Variants in TMPRSS15 observed in about 807,000 individuals in gnomAD.
The protein encoded by TMPRSS15 is transmembrane serine protease 15.
In TMPRSS15, 128 loss-of-function variants were observed where a neutral mutation model predicts 125.3. The observed-to-expected ratio is 1.02, with a 90% CI of 0.89 to 1.18. The LOEUF (loss-of-function observed/expected upper bound fraction) is 1.18. Among genes scored for constraint, TMPRSS15 ranks in the 50% most tolerant of loss-of-function variants. The pLI, the probability that TMPRSS15 is intolerant of heterozygous loss-of-function variation, is 0.00. For synonymous variants in TMPRSS15, 446 were observed against 423.2 expected (o/e 1.05, Z -0.66); for missense variants, 1,283 against 1,212.7 (o/e 1.06, Z -0.86).
chr21:18,271,816 A>AGAACAT (rs964377705), intron 24 of TMPRSS15, among the ~76,000 whole-genome samples: 4 of 151,656 alleles, frequency 2.6e-5, no homozygotes, highest in Admixed American at 6.6e-5. Flanking sequence ...CTCATGAGTG[A>AGAACAT]GAACATGCAG....
At chr21:18,425,470 C>T (rs1279842626) in intron 1 of TMPRSS15, among the ~76,000 whole-genome samples, 2 of 152,056 alleles carry the variant, frequency 1.3e-5, no homozygotes, top group Admixed American at 1.3e-4. Context: ...CATTGTAACT[C>T]TTCATTGAGC....
intron 8 of TMPRSS15, among the ~76,000 whole-genome samples, chr21:18,355,432 A>G (rs1350296432): frequency 1.3e-5 from 2 of 151,888 alleles, no homozygotes; most frequent in East Asian, 3.9e-4. Context: ...TCAGAGATAC[A>G]TGAAAATCTC....
chr21:18,297,778 G>T lies in TMPRSS15; in HGVS notation c.2217C>A (p.Val739=). The T allele has an allele frequency of 6.2e-7, 1 of 1,613,768 alleles. No individual in the cohort carries two copies. The highest frequency in any genetic ancestry group is 1.1e-5 in the South Asian group (1 of 91,048). Residue 739 remains valine, a synonymous_variant, in exon 19 of 25, where the codon GTC becomes GTA. Coordinates refer to ENST00000284885, the MANE Select transcript of TMPRSS15 (RefSeq NM_002772.3). ...PIFPTDGGPF[V]KLNTAPDGHL... ...GGCCATCAGGTGCTGTGTTTAATTT[G>T]ACAAATGGTCCACCATCGGTAGGGA...
At chr21:18,285,756 T>C (rs551318316) in intron 21 of TMPRSS15, among the ~76,000 whole-genome samples, 2 of 152,298 alleles carry the variant, frequency 1.3e-5, no homozygotes, top group East Asian at 1.9e-4. Context: ...ATGATCATTA[T>C]CATTACCACA....
intron 16 of TMPRSS15, 132 bp downstream of exon 16, chr21:18,326,300 T>A: frequency 7.6e-7 from 1 of 1,322,648 alleles, no homozygotes. Flanking sequence ...AAAATCATCT[T>A]CATTAAGATG....
chr21:18,366,568 T>C (rs905476064), intron 6 of TMPRSS15, among the ~76,000 whole-genome samples: 17 of 152,152 alleles, frequency 1.1e-4, no homozygotes, highest in African/African-American at 2.4e-4. Context: ...AACTTAGAGA[T>C]TTTTGTTTTT....
chr21:18,405,825 G>A (rs1349663774), upstream of TMPRSS15, among the ~76,000 whole-genome samples: 1 of 152,018 alleles, frequency 6.6e-6, no homozygotes, highest in Non-Finnish European at 1.5e-5. Context: ...TAATGATAAG[G>A]TATTGAAGGA....
At chr21:18,319,336 C>T (rs915229514) in intron 16 of TMPRSS15, among the ~76,000 whole-genome samples, 1 of 150,528 alleles carries the variant, frequency 6.6e-6, no homozygotes, top group Non-Finnish European at 1.5e-5. Flanking sequence ...GTGTATTTAT[C>T]ATACCAATAC....
chr21:18,463,574 G>A (rs2122953966), intron 1 of TMPRSS15, among the ~76,000 whole-genome samples: 12 of 152,184 alleles, frequency 7.9e-5, no homozygotes, highest in Admixed American at 2.6e-4. Flanking sequence ...TTCAGGACTT[G>A]AACTCAGCTC....
intron 24 of TMPRSS15, among the ~76,000 whole-genome samples, chr21:18,271,967 T>G (rs1457264737): frequency 6.6e-6 from 1 of 151,598 alleles, no homozygotes. Flanking sequence ...TTTTCTTTAT[T>G]CAGTCTATCA....
intron 24 of TMPRSS15, among the ~76,000 whole-genome samples, chr21:18,273,754 C>G (rs901144991): frequency 3.3e-5 from 5 of 152,116 alleles, no homozygotes; most frequent in African/African-American, 1.2e-4. Context: ...GCACACTTTT[C>G]ATTTTAAAAA....
At chr21:18,440,684 A>G (rs867159517) in intron 1 of TMPRSS15, among the ~76,000 whole-genome samples, 5 of 152,124 alleles carry the variant, frequency 3.3e-5, no homozygotes, top group Admixed American at 1.3e-4. Flanking sequence ...GATTTTGTGT[A>G]CTTTTGAATA....
intron 1 of TMPRSS15, among the ~76,000 whole-genome samples, chr21:18,447,007 A>G (rs1000377430): frequency 6.6e-6 from 1 of 152,254 alleles, no homozygotes; most frequent in Admixed American, 6.5e-5. Flanking sequence ...CTTACAGAAC[A>G]GGATAAACTA....
rs1284358918 is a variant in TMPRSS15 at position 18,403,741 on chromosome 21, C to T, written c.-119G>A. On this transcript the variant is annotated 5_prime_UTR_variant, in exon 1 of 25. An upstream start codon of the reference 5' UTR is lost. Transcript: ENST00000284885. Reference sequence around the variant, plus strand: ...GTGTAAAGCAACAACCACCTGTCTACATGCATACCAGTCAGTGTAAGTGAG... The same window carrying T: ...GTGTAAAGCAACAACCACCTGTCTATATGCATACCAGTCAGTGTAAGTGAG... The T allele has an allele frequency of 1.5e-5, 18 of 1,238,728 alleles. No individual in the cohort carries two copies. Among genetic ancestry groups the T allele is most frequent in the Non-Finnish European group, 2.1e-5 (18 of 865,964 alleles). The allele number at this position is 1,238,728 out of a possible 1,614,324, so 76.7% of individuals were successfully genotyped here. A position where few individuals can be genotyped will look rare whatever the true frequency, so the allele number is the denominator to read the frequency against.
chr21:18,449,640 A>G (rs2076263107), intron 1 of TMPRSS15, among the ~76,000 whole-genome samples: 1 of 152,096 alleles, frequency 6.6e-6, no homozygotes. Context: ...CAGTGTTTAG[A>G]CGAGACCCCA....
At chr21:18,341,803 T>C (rs558636622) in intron 12 of TMPRSS15, among the ~76,000 whole-genome samples, 1 of 152,326 alleles carries the variant, frequency 6.6e-6, no homozygotes, top group East Asian at 1.9e-4. Flanking sequence ...AATTAGTCAA[T>C]ATTGTTACAG....
chr21:18,303,494 G>A (rs932147731), intron 18 of TMPRSS15, among the ~76,000 whole-genome samples: 2 of 152,130 alleles, frequency 1.3e-5, no homozygotes, highest in Non-Finnish European at 2.9e-5. Context: ...ATTACAAGTT[G>A]AGCAGTTGGA....
intron 18 of TMPRSS15, among the ~76,000 whole-genome samples, chr21:18,304,728 A>T (rs2075011867): frequency 6.6e-6 from 1 of 152,184 alleles, no homozygotes; most frequent in Non-Finnish European, 1.5e-5. Context: ...CATTAGAGCC[A>T]CCAGTGTATC....
chr21:18,365,789 GC>G (rs1194286603), intron 6 of TMPRSS15, among the ~76,000 whole-genome samples: 2 of 133,076 alleles, frequency 1.5e-5, no homozygotes, highest in African/African-American at 5.7e-5. Context: ...TGTTGCGTGT[GC>G]TGGAATGCAA....
Sources: allele counts gnomAD v4.1 joint callset (sites outside exome capture counted in the v4.1 genomes callset), GRCh38; gene constraint gnomAD v4.1.1; transcripts MANE v1.5; gene names NCBI Gene and HGNC (gene_info 2026-07-23, HGNC 2026-07-21).